The following ROBO1 variants were observed in gnomAD, a reference collection of about 807,000 sequenced individuals.
ROBO1 encodes roundabout homolog 1.
ROBO1 carries 149 observed loss-of-function variants against 195.9 expected under a neutral mutation model. The ratio of observed to expected loss-of-function variants is 0.76; its 90% CI spans 0.67 to 0.87. ROBO1 has a LOEUF of 0.87. Among genes scored for constraint, ROBO1 ranks in the 40% least tolerant of loss-of-function variants. ROBO1 has a pLI of 0.00. For synonymous variants in ROBO1, 816 were observed against 733.2 expected (o/e 1.11, Z -1.82); for missense variants, 1,933 against 2,068.3 (o/e 0.93, Z 1.27).
At chr3:79,655,337 A>G (rs930093407) in intron 1 of ROBO1, among the ~76,000 whole-genome samples, 1 of 152,050 alleles carries the variant, frequency 6.6e-6, no homozygotes, top group African/African-American at 2.4e-5. Context: ...CAAATGGCAT[A>G]CCACTGTTAA....
At chr3:79,462,730 A>G (rs1408949565) in intron 2 of ROBO1, among the ~76,000 whole-genome samples, 2 of 152,230 alleles carry the variant, frequency 1.3e-5, no homozygotes, top group East Asian at 3.9e-4. Flanking sequence ...TGAAAACAAT[A>G]TCTACACTCT....
intron 3 of ROBO1, among the ~76,000 whole-genome samples, chr3:78,942,093 G>A (rs1300616534): frequency 6.6e-6 from 1 of 152,082 alleles, no homozygotes; most frequent in Non-Finnish European, 1.5e-5. Flanking sequence ...TTGAGCCTAG[G>A]AGTTCAAGAC....
chr3:79,490,842 CCTT>C (rs1250792623), intron 2 of ROBO1, among the ~76,000 whole-genome samples: 4 of 152,162 alleles, frequency 2.6e-5, no homozygotes, highest in Middle Eastern at 3.4e-3. Flanking sequence ...TTAGCTGAGA[CCTT>C]CTTTAGGGAG....
intron 1 of ROBO1, among the ~76,000 whole-genome samples, chr3:79,699,545 C>G (rs1325464697): frequency 2.6e-5 from 4 of 151,600 alleles, no homozygotes; most frequent in Non-Finnish European, 5.9e-5. Context: ...CAGTCTCTTC[C>G]AAAGGCACAC....
intron 3 of ROBO1, among the ~76,000 whole-genome samples, chr3:78,993,213 G>A (rs2077277800): frequency 6.6e-6 from 1 of 152,174 alleles, no homozygotes; most frequent in Non-Finnish European, 1.5e-5. Context: ...TGGGTGGATG[G>A]ATATGATAAA....
chr3:79,053,707 C>G (rs1263090548), intron 3 of ROBO1, among the ~76,000 whole-genome samples: 1 of 150,974 alleles, frequency 6.6e-6, no homozygotes, highest in Non-Finnish European at 1.5e-5. Flanking sequence ...CTGCTCTGAC[C>G]CCCTCACCCT....
intron 4 of ROBO1, among the ~76,000 whole-genome samples, chr3:78,898,223 T>C (rs982615719): frequency 8.0e-5 from 12 of 150,186 alleles, no homozygotes; most frequent in Admixed American, 6.7e-5. Context: ...TGCACTATAA[T>C]AAATATAAAA....
At chr3:78,707,456 G>T (rs984067015) in intron 8 of ROBO1, among the ~76,000 whole-genome samples, 10 of 152,206 alleles carry the variant, frequency 6.6e-5, no homozygotes, top group African/African-American at 2.4e-4. Context: ...CTACAGAATA[G>T]AATAGAATGC....
chr3:79,430,102 A>G (rs1315809285), intron 2 of ROBO1, among the ~76,000 whole-genome samples: 2 of 152,008 alleles, frequency 1.3e-5, no homozygotes, highest in African/African-American at 4.8e-5. Flanking sequence ...TTAAGGATTG[A>G]AAATGTTTTA....
At chr3:79,431,179 G>A (rs1343910204) in intron 2 of ROBO1, among the ~76,000 whole-genome samples, 3 of 152,106 alleles carry the variant, frequency 2.0e-5, no homozygotes, top group East Asian at 1.9e-4. Context: ...GGCCAGTTGC[G>A]TTAGAGACAG....
intron 1 of ROBO1, among the ~76,000 whole-genome samples, chr3:79,765,619 G>A (rs1704943590): frequency 1.3e-5 from 2 of 152,130 alleles, no homozygotes; most frequent in African/African-American, 4.8e-5. Context: ...CAGTTATGAG[G>A]CTTCCAAATA....
intron 8 of ROBO1, among the ~76,000 whole-genome samples, chr3:78,711,440 T>TTTCTTTCC (rs770070756): frequency 3.0e-3 from 123 of 41,574 alleles, no homozygotes; most frequent in African/African-American, 7.8e-3. Flanking sequence ...TCTTTCTTTC[T>TTTCTTTCC]TTCCTTCCTT....
At chr3:79,450,132 A>G (rs150154963) in intron 2 of ROBO1, among the ~76,000 whole-genome samples, 26 of 152,150 alleles carry the variant, frequency 1.7e-4, no homozygotes, top group African/African-American at 5.8e-4. Flanking sequence ...ATGAAAAAAA[A>G]AAAAAAGACT....
intron 5 of ROBO1, among the ~76,000 whole-genome samples, chr3:78,735,743 A>C (rs2082378153): frequency 6.6e-6 from 1 of 152,184 alleles, no homozygotes; most frequent in Non-Finnish European, 1.5e-5. Flanking sequence ...TATGAAATAA[A>C]TCCATGAAAA....
At chr3:78,977,048 G>A (rs1401894152) in intron 3 of ROBO1, among the ~76,000 whole-genome samples, 1 of 151,780 alleles carries the variant, frequency 6.6e-6, no homozygotes, top group East Asian at 1.9e-4. Flanking sequence ...ACTCAAAATT[G>A]GTAAAACAAA....
intron 2 of ROBO1, among the ~76,000 whole-genome samples, chr3:79,208,758 C>T (rs950361476): frequency 7.5e-5 from 11 of 147,188 alleles, no homozygotes; most frequent in South Asian, 2.2e-4. Flanking sequence ...GTGTGGTTGG[C>T]GGGGGCATGG....
At chr3:79,164,569 C>T (rs79298960) in intron 2 of ROBO1, among the ~76,000 whole-genome samples, 3,805 of 152,202 alleles carry the variant, frequency 0.025, 159 homozygotes, top group African/African-American at 0.084. Context: ...AAATTATTTT[C>T]TCATTTACTC....
intron 1 of ROBO1, among the ~76,000 whole-genome samples, chr3:79,664,580 G>A (rs1357229018): frequency 6.6e-6 from 1 of 151,926 alleles, no homozygotes; most frequent in Non-Finnish European, 1.5e-5. Flanking sequence ...TCATAACAAG[G>A]TAGCATTTCT....
At chr3:79,330,175 G>A (rs1051049763) in intron 2 of ROBO1, among the ~76,000 whole-genome samples, 2 of 150,830 alleles carry the variant, frequency 1.3e-5, no homozygotes, top group Non-Finnish European at 3.0e-5. Flanking sequence ...CAGTGGAGGC[G>A]GGGAGGTTTA....
Sources: allele counts gnomAD v4.1 joint callset (sites outside exome capture counted in the v4.1 genomes callset), GRCh38; gene constraint gnomAD v4.1.1; transcripts MANE v1.5; gene names NCBI Gene and HGNC (gene_info 2026-07-23, HGNC 2026-07-21).